MRPS31: variants seen among roughly 807,000 people sequenced by gnomAD.
MRPS31 encodes the protein small ribosomal subunit protein mS31.
In MRPS31, 32 loss-of-function variants were observed where a neutral mutation model predicts 43.1. The observed-to-expected ratio is 0.74, with a 90% CI of 0.56 to 1.00. The LOEUF (loss-of-function observed/expected upper bound fraction) is 1.00, where lower values mean the gene tolerates loss of function less well. Ranked by LOEUF, MRPS31 falls within the 50% of genes least tolerant of loss-of-function variation. The pLI, the probability that MRPS31 is intolerant of heterozygous loss-of-function variation, is 0.00. For synonymous variants in MRPS31, 165 were observed against 161.6 expected (o/e 1.02, Z -0.16); for missense variants, 437 against 466.7 (o/e 0.94, Z 0.59).
chr13:40,757,113 A>AT, intron 3 of MRPS31, 100 bp from the exon 4 acceptor site: 1 of 886,852 alleles, frequency 1.1e-6, no homozygotes, highest in Non-Finnish European at 1.7e-6. Flanking sequence ...TTCTTATTTC[A>AT]TTTTTATGCA....
rs1880401592 is a variant in MRPS31, at chr13:40,751,926, T to A, written c.814+2093A>T. Among the ~76,000 whole-genome samples the A allele has an allele frequency of 2.0e-5, 3 of 152,208 alleles. No homozygotes were observed. In the South Asian group the frequency reaches 6.2e-4, roughly 31 times the overall value. ...CTAACTTCAGTTTTAGAAATAAGAT[T>A]TTTTTATTTTAAAAAGTAAGATGGT... On this transcript the variant is annotated intron_variant, in intron 5 of 6. Transcript: ENST00000323563.
chr13:40,749,323 A>C, intron 5 of MRPS31, 42 bp from the exon 6 acceptor site: 1 of 1,470,382 alleles, frequency 6.8e-7, no homozygotes, highest in Non-Finnish European at 9.0e-7. Context: ...AGTCAATGTA[A>C]GTATCTTTTT....
chr13:40,732,802 T>G (rs1848086795), intron 6 of MRPS31, among the ~76,000 whole-genome samples: 1 of 152,034 alleles, frequency 6.6e-6, no homozygotes, highest in Admixed American at 6.6e-5. Flanking sequence ...CAGCCCCTTC[T>G]GGGTTAGGCA....
At chr13:40,741,445 C>G (rs575798334) in intron 6 of MRPS31, among the ~76,000 whole-genome samples, 1 of 152,138 alleles carries the variant, frequency 6.6e-6, no homozygotes, top group South Asian at 2.1e-4. Flanking sequence ...GATGTAAAAA[C>G]CTAAGTCACA....
In MRPS31 at chr13:40,756,992, A is replaced by G. The variant is rs1880548872; in HGVS notation, c.621T>C (p.Asp207=). 10 of 1,611,538 alleles carry G rather than the reference A, an allele frequency of 6.2e-6. No individual in the cohort carries two copies. The highest frequency in any genetic ancestry group is 1.3e-5 in the African/African-American group (1 of 74,844). The change falls in exon 4 of 7, where the codon GAT becomes GAC. Residue 207 remains aspartate, a synonymous_variant. Coordinates refer to ENST00000323563, the MANE Select transcript of MRPS31 (RefSeq NM_005830.4). The part of the protein sequence containing the change: ...PKISFSNIIS[D]MKVARSATAR... ...CTGTAGCAGATCTGGCAACTTTCAT[A>G]TCTGATATTATGTTACTGAAACTGA...
intron 6 of MRPS31, among the ~76,000 whole-genome samples, chr13:40,735,723 G>C (rs371123038): frequency 1.9e-3 from 287 of 148,946 alleles, no homozygotes; most frequent in African/African-American, 4.6e-3. Context: ...TGAGGGTCCT[G>C]TCTGTTAGAA....
At chr13:40,762,480 C>A (rs1187177807) in intron 2 of MRPS31, among the ~76,000 whole-genome samples, 1 of 149,570 alleles carries the variant, frequency 6.7e-6, no homozygotes, top group Non-Finnish European at 1.5e-5. Context: ...CCCACCCAGG[C>A]TGGAGTACAG....
chr13:40,766,265 T>A (rs1490523221), intron 2 of MRPS31, among the ~76,000 whole-genome samples: 2 of 152,262 alleles, frequency 1.3e-5, no homozygotes, highest in East Asian at 3.9e-4. Flanking sequence ...TATAATACAA[T>A]AACAGCATTT....
chr13:40,746,825 C>A (rs891545087), intron 6 of MRPS31, among the ~76,000 whole-genome samples: 19 of 152,196 alleles, frequency 1.2e-4, no homozygotes, highest in African/African-American at 3.9e-4. Flanking sequence ...AACCCCTTCA[C>A]AATGTTGTTG....
intron 6 of MRPS31, 77 bp downstream of exon 6, chr13:40,749,057 GTATC>G (rs1880315987): frequency 7.2e-7 from 1 of 1,382,830 alleles, no homozygotes; most frequent in African/African-American, 1.5e-5. Flanking sequence ...ATTCATGTAA[GTATC>G]TATACTCTAA....
At chr13:40,752,033 CT>C (rs35701528) in intron 5 of MRPS31, among the ~76,000 whole-genome samples, 67 of 146,140 alleles carry the variant, frequency 4.6e-4, no homozygotes, top group Admixed American at 6.9e-4. Context: ...TTCTTTCTTT[CT>C]TTTTTTTTTT....
In MRPS31 at chr13:40,768,389, A is replaced by C. The variant is rs559483069; in HGVS notation, c.153-1356T>G. 1.7e-4 allele frequency among the ~76,000 whole-genome samples: 24 copies of C among 139,416 alleles called. 1 individual carries two copies. The South Asian group carries it at 5.6e-3, about 32-fold the overall frequency. 91.5% of individuals were successfully genotyped at this position (139,416 alleles called of 152,430 possible). On this transcript the variant is annotated intron_variant, in intron 1 of 6. Coordinates refer to ENST00000323563, the MANE Select transcript of MRPS31 (RefSeq NM_005830.4). ...CCCAACTAGGAGGGCACTGACCTCC[A>C]ACAGGCATCACCCCGCTAAATCCCC...
At chr13:40,742,782 C>G (rs1006098173) in intron 6 of MRPS31, among the ~76,000 whole-genome samples, 5 of 152,122 alleles carry the variant, frequency 3.3e-5, no homozygotes, top group African/African-American at 1.2e-4. Context: ...ACCTTCTTTG[C>G]CCACTGAAGC....
intron 1 of MRPS31, among the ~76,000 whole-genome samples, chr13:40,768,172 T>C (rs753111173): frequency 2.6e-4 from 39 of 152,340 alleles, no homozygotes; most frequent in Middle Eastern, 3.4e-3. Context: ...TTTTCAAAAC[T>C]CTGAATGTGT....
At chr13:40,767,220 C>T (rs925956099) in intron 1 of MRPS31, among the ~76,000 whole-genome samples, 187 bp from the exon 2 acceptor site, 20 of 151,254 alleles carry the variant, frequency 1.3e-4, no homozygotes, top group Middle Eastern at 3.4e-3. Flanking sequence ...TGCAATGGCG[C>T]GATCTTGGCT....
At position 40,767,131 on chromosome 13, in the gene MRPS31, GA is replaced by G. The variant is rs536438484; in HGVS notation, c.153-99del. Reference sequence around the variant, plus strand: ...ATAAAGTAAAAAACTATGTATCTAAGATTTTTTTTCAATTCAAGCCCTTTCC... The same window carrying G: ...ATAAAGTAAAAAACTATGTATCTAAGTTTTTTTTCAATTCAAGCCCTTTCC... On this transcript the variant is annotated intron_variant, in intron 1 of 6. Coordinates refer to ENST00000323563, the MANE Select transcript of MRPS31 (RefSeq NM_005830.4). 5.1e-5 allele frequency: 50 copies of G among 981,406 alleles called. No individual in the cohort carries two copies. In the Admixed American group the frequency reaches 1.4e-3, roughly 27 times the overall value. The allele number at this position is 981,406 out of a possible 1,614,324, so 60.8% of individuals were successfully genotyped here. A position where few individuals can be genotyped will look rare whatever the true frequency, so the allele number is the denominator to read the frequency against.
intron 2 of MRPS31, among the ~76,000 whole-genome samples, chr13:40,765,098 A>T (rs1880809053): frequency 6.6e-6 from 1 of 152,204 alleles, no homozygotes; most frequent in African/African-American, 2.4e-5. Context: ...TCATTAAAAG[A>T]CACCTTTTTA....
intron 2 of MRPS31, among the ~76,000 whole-genome samples, chr13:40,763,123 T>G (rs1336991484): frequency 1.3e-5 from 2 of 152,212 alleles, no homozygotes; most frequent in African/African-American, 4.8e-5. Flanking sequence ...GCTAGAAATT[T>G]TGGTTACTGC....
At chr13:40,742,106 G>A (rs959056646) in intron 6 of MRPS31, among the ~76,000 whole-genome samples, 8 of 151,984 alleles carry the variant, frequency 5.3e-5, no homozygotes, top group South Asian at 2.1e-4. Flanking sequence ...TCTTTCACAC[G>A]ATTTGACTCT....
Sources: gnomAD v4.1 joint callset for allele counts (sites outside exome capture counted in the v4.1 genomes callset) on GRCh38, gnomAD v4.1.1 for gene constraint, MANE v1.5 for transcripts, NCBI Gene and HGNC (gene_info 2026-07-23, HGNC 2026-07-21) for gene names.